ANK2: variants seen among roughly 807,000 people sequenced by gnomAD.
The protein encoded by ANK2 is ankyrin 2, also known as ankyrin-2.
ANK2 carries 83 observed loss-of-function variants against 360.5 expected under a neutral mutation model. The observed-to-expected ratio is 0.23, with a 90% CI of 0.19 to 0.28. ANK2 has a LOEUF of 0.28. ANK2 is among the 10% of genes least tolerant of loss of function. ANK2 has a pLI of 1.00. For synonymous variants in ANK2, 1,740 were observed against 1,759.5 expected, an observed-to-expected ratio of 0.99 and a Z score of 0.28; for missense variants, 4,201 against 4,795.7, an observed-to-expected ratio of 0.88 and a Z score of 3.66.
chr4:113,306,725 T>G (rs756712123), intron 23 of ANK2, among the ~76,000 whole-genome samples: 44 of 152,174 alleles, frequency 2.9e-4, no homozygotes, highest in Non-Finnish European at 5.7e-4. Flanking sequence ...AAAGGCTTAT[T>G]TTTGGAGAAT....
intron 1 of ANK2, among the ~76,000 whole-genome samples, chr4:113,131,917 A>G (rs1274610382): frequency 1.3e-5 from 2 of 152,240 alleles, no homozygotes; most frequent in African/African-American, 4.8e-5. Flanking sequence ...ATGTATAGAC[A>G]AAAGGATTAA....
At chr4:112,955,425 C>T (rs1290603994) in intron 2 of ANK2, among the ~76,000 whole-genome samples, 1 of 152,038 alleles carries the variant, frequency 6.6e-6, no homozygotes, top group Non-Finnish European at 1.5e-5. Flanking sequence ...GTCTAAATTT[C>T]CATTTGGCAT....
intron 35 of ANK2, 195 bp from the exon 36 acceptor site, chr4:113,348,081 T>G (rs776415452): frequency 1.6e-6 from 1 of 607,702 alleles, no homozygotes; most frequent in Non-Finnish European, 2.9e-6. Context: ...ATCTATAAAC[T>G]TTGTACTTAA....
intron 9 of ANK2, among the ~76,000 whole-genome samples, 199 bp from the exon 10 acceptor site, chr4:113,249,565 C>G (rs1433089298): frequency 1.3e-5 from 2 of 152,184 alleles, no homozygotes; most frequent in Non-Finnish European, 2.9e-5. Context: ...CTTTCTCTTT[C>G]TTGTTCTCTG....
chr4:112,931,562 G>A (rs182135465), intron 2 of ANK2, among the ~76,000 whole-genome samples: 1 of 148,986 alleles, frequency 6.7e-6, no homozygotes, highest in African/African-American at 2.5e-5. Context: ...TCAGCCTCCC[G>A]AGTAGCTGGA....
chr4:113,227,499 A>T (rs956189255), intron 4 of ANK2, among the ~76,000 whole-genome samples: 3 of 152,196 alleles, frequency 2.0e-5, no homozygotes, highest in African/African-American at 4.8e-5. Context: ...AAGGCAATTT[A>T]AAAAAATGTG....
intron 13 of ANK2, among the ~76,000 whole-genome samples, chr4:113,259,772 T>TC (rs1189810660): frequency 1.4e-3 from 203 of 148,932 alleles, no homozygotes; most frequent in African/African-American, 4.1e-3. Context: ...GTAATCATCA[T>TC]CCCCCCCCTT....
At chr4:112,740,823 C>G in the ANK2 span, among the ~76,000 whole-genome samples, 2 of 152,034 alleles carry the variant, frequency 1.3e-5, no homozygotes, top group Non-Finnish European at 2.9e-5. Context: ...AACCCCATCT[C>G]TACTAAAAAA....
At chr4:113,265,168 A>G (rs557155281) in intron 14 of ANK2, among the ~76,000 whole-genome samples, 173 bp downstream of exon 14, 35 of 152,236 alleles carry the variant, frequency 2.3e-4, no homozygotes, top group Non-Finnish European at 4.4e-4. Flanking sequence ...AAGCAATTAC[A>G]CACGACGAAA....
chr4:113,336,363 G>A, intron 30 of ANK2: 1 of 588,844 alleles, frequency 1.7e-6, no homozygotes, highest in East Asian at 2.8e-5. Flanking sequence ...TTCCTAGTAA[G>A]CAAGAGCTGC....
At position 113,155,152 on chromosome 4, in the gene ANK2, CA is replaced by C. The variant is rs1451283896; in HGVS notation, c.85-19263del. 2.6e-5 allele frequency among the ~76,000 whole-genome samples: 4 copies of C among 152,282 alleles called. No individual in the cohort carries two copies. In the East Asian group the frequency reaches 7.7e-4, roughly 29 times the overall value. ...TGCTAGATTCTGTAATGGCATACTGCATACCATTTCATTTACTACTGACATT... is the reference window on the plus strand; with the variant it reads ...TGCTAGATTCTGTAATGGCATACTGCTACCATTTCATTTACTACTGACATT... On this transcript the variant is annotated intron_variant, in intron 1 of 45. Transcript: ENST00000357077.
intron 1 of ANK2, among the ~76,000 whole-genome samples, chr4:113,144,136 G>A (rs2096743032): frequency 6.6e-6 from 1 of 152,158 alleles, no homozygotes; most frequent in Non-Finnish European, 1.5e-5. Context: ...ATGATTTTAA[G>A]AGATGCCTTC....
At chr4:113,073,848 T>A (rs2154342319) in intron 1 of ANK2, among the ~76,000 whole-genome samples, 1 of 152,322 alleles carries the variant, frequency 6.6e-6, no homozygotes, top group East Asian at 1.9e-4. Flanking sequence ...TAATTTTGTT[T>A]GACAGCAGCA....
intron 1 of ANK2, among the ~76,000 whole-genome samples, chr4:112,828,232 C>CTTTTTTTTTT (rs751771907): frequency 9.1e-6 from 1 of 109,572 alleles, no homozygotes; most frequent in African/African-American, 3.6e-5. Context: ...GAATTACGGA[C>CTTTTTTTTTT]TTTTTTTTTT....
chr4:112,912,021 C>CA (rs1301935513), intron 2 of ANK2, among the ~76,000 whole-genome samples: 3 of 151,674 alleles, frequency 2.0e-5, no homozygotes, highest in Non-Finnish European at 2.9e-5. Flanking sequence ...ACTAAAAATA[C>CA]AAAAAATTAG....
chr4:113,185,250 G>C (rs555665376), intron 2 of ANK2, among the ~76,000 whole-genome samples: 18 of 151,940 alleles, frequency 1.2e-4, no homozygotes, highest in African/African-American at 4.3e-4. Flanking sequence ...CAAATGGTTT[G>C]GTTCTAGATC....
chr4:113,182,155 A>G (rs1248512049), intron 2 of ANK2, among the ~76,000 whole-genome samples: 1 of 152,166 alleles, frequency 6.6e-6, no homozygotes, highest in Non-Finnish European at 1.5e-5. Context: ...ATGTAGGATG[A>G]AGGCAAAAGA....
At chr4:113,119,248 CT>C (rs1283417272) in intron 1 of ANK2, among the ~76,000 whole-genome samples, 1 of 152,068 alleles carries the variant, frequency 6.6e-6, no homozygotes, top group Non-Finnish European at 1.5e-5. Context: ...CCTTGTTCCT[CT>C]TTTTTCATGT....
rs748060839 is a variant in ANK2, at chr4:113,357,307, A to G, written c.8689A>G (p.Ile2897Val). The change falls in exon 38 of 46, where the codon ATT (isoleucine) becomes GTT (valine). Residue 2897 changes from isoleucine (I) to valine (V), a missense_variant. By Grantham distance (29) the Ile-to-Val change is conservative. Coordinates refer to ENST00000357077, the MANE Select transcript of ANK2 (RefSeq NM_001148.6). ...GGACTGCCCCTCTCAAGACTCATCC[A>G]TTACTACTCAAACAGATAGATTTTC... is the stretch of plus-strand genomic sequence containing the variant. Reference protein sequence around the residue: ...PKDCPSQDSSITTQTDRFSMD... With the variant: ...PKDCPSQDSSVTTQTDRFSMD... 7 of 1,614,126 alleles carry G rather than the reference A, an allele frequency of 4.3e-6. No homozygotes were observed. Among genetic ancestry groups the G allele is most frequent in the Admixed American group, 1.7e-5 (1 of 60,020 alleles).
Sources: allele counts gnomAD v4.1 joint callset (sites outside exome capture counted in the v4.1 genomes callset), GRCh38; gene constraint gnomAD v4.1.1; transcripts MANE v1.5; gene names NCBI Gene and HGNC (gene_info 2026-07-23, HGNC 2026-07-21).